Variants in ATM observed in about 807,000 individuals in gnomAD.
ATM encodes ATM serine/threonine kinase, also known as serine-protein kinase ATM.
ATM carries 308 observed loss-of-function variants against 387.0 expected under a neutral mutation model. That is an observed-to-expected ratio of 0.80 (90% CI 0.73 to 0.87). The LOEUF is 0.87. Among genes scored for constraint, ATM ranks in the 40% least tolerant of loss-of-function variants. The pLI, the probability that ATM is intolerant of heterozygous loss-of-function variation, is 0.00. For synonymous variants in ATM, 1,156 were observed against 1,187.3 expected, an observed-to-expected ratio of 0.97 and a Z score of 0.54; for missense variants, 3,312 against 3,560.9, an observed-to-expected ratio of 0.93 and a Z score of 1.78.
chr11:108,275,213 G>A (rs977374136), intron 22 of ATM, among the ~76,000 whole-genome samples: 2 of 151,924 alleles, frequency 1.3e-5, no homozygotes, highest in Non-Finnish European at 2.9e-5. Flanking sequence ...TATTTGCTTG[G>A]TAAATATTCC....
chr11:108,295,548 G>A (rs1209747390), intron 32 of ATM: 1 of 159,880 alleles, frequency 6.3e-6, no homozygotes, highest in African/African-American at 2.4e-5. Flanking sequence ...TGTTGCCTAG[G>A]TTGGTCTCGA....
At chr11:108,223,321 C>G (rs1423211985) in intron 1 of ATM, 135 bp downstream of exon 1, 1 of 153,158 alleles carries the variant, frequency 6.5e-6, no homozygotes. Flanking sequence ...TCTCCTCACT[C>G]CATCTTTCCT....
intron 39 of ATM, among the ~76,000 whole-genome samples, chr11:108,310,622 T>A (rs1240817588): frequency 1.3e-5 from 2 of 152,136 alleles, no homozygotes; most frequent in Non-Finnish European, 2.9e-5. Context: ...GAACTTAATT[T>A]AAGGGTGATA....
At chr11:108,327,786 T>G (rs780532555) in intron 48 of ATM, 28 bp downstream of exon 48, 1 of 1,494,198 alleles carries the variant, frequency 6.7e-7, no homozygotes. Flanking sequence ...ACCCTTAAGA[T>G]AGTTACTTAG....
chr11:108,309,814 T>C (rs2083992227), intron 38 of ATM, among the ~76,000 whole-genome samples: 1 of 152,150 alleles, frequency 6.6e-6, no homozygotes, highest in Non-Finnish European at 1.5e-5. Flanking sequence ...CTTGTGTGCA[T>C]TTGTATTAGC....
intron 56 of ATM, among the ~76,000 whole-genome samples, chr11:108,342,677 G>A (rs894542077): frequency 9.2e-5 from 14 of 152,054 alleles, no homozygotes; most frequent in South Asian, 2.1e-4. Flanking sequence ...TATACTTTAT[G>A]TATGTTTATA....
At position 108,347,323 on chromosome 11, in the gene ATM, T is replaced by C. The variant is rs730881279; in HGVS notation, c.8629T>C (p.Leu2877=). 22 of 1,611,658 alleles carry C rather than the reference T, an allele frequency of 1.4e-5. No homozygotes were observed. In the Admixed American group the frequency reaches 2.2e-4, roughly 16 times the overall value. ...GLGDRHVQNI[L]INEQSAELVH... ...TGGTGATAGACATGTACAGAATATC[T>C]TGATAAATGAGCAGTCAGCAGAACT... The change falls in exon 59 of 63, where the codon TTG becomes CTG. Residue 2877 remains leucine (L), a synonymous_variant. Coordinates refer to ENST00000675843, the MANE Select transcript of ATM (RefSeq NM_000051.4).
rs1207381065 is a variant in ATM at position 108,299,347 on chromosome 11, G to GAGTGC, written c.5006-362_5006-358dup. On this transcript the variant is annotated intron_variant, in intron 33 of 62. Coordinates refer to ENST00000675843, the MANE Select transcript of ATM (RefSeq NM_000051.4). The stretch of plus-strand genomic sequence containing the variant: ...TTTTTTTCTTTTGTCACCCAGGCTA[G>GAGTGC]AGTGCAGTGGTGCCATCTTGGCTCA... 1.5e-5 allele frequency: 3 copies of GAGTGC among 194,720 alleles called. No individual in the cohort carries two copies. In the Admixed American group the frequency reaches 1.6e-4, roughly 11 times the overall value. The allele number at this position is 194,720 out of a possible 1,614,324, so 12.1% of individuals were successfully genotyped here.
Position 108,368,142 on chromosome 11 carries a change from A to T in ATM, c.*2634A>T, listed in dbSNP as rs1368813513. The T allele has an allele frequency of 1.9e-5, 4 of 208,298 alleles. No individual in the cohort carries two copies. In the East Asian group the frequency reaches 2.9e-4, roughly 15 times the overall value. 12.9% of individuals were successfully genotyped at this position (208,298 alleles called of 1,614,324 possible). The stretch of plus-strand genomic sequence containing the variant: ...ATCAATGGCTTTGAAAAGTTTATCA[A>T]ATTTACATACAGATCACAAGCCTAG... On this transcript the variant is annotated 3_prime_UTR_variant, in exon 63 of 63. Transcript: ENST00000675843.
Position 108,333,976 on chromosome 11 carries a change from G to C in ATM, c.8010+8G>C, listed in dbSNP as rs2136618371. 6.3e-7 allele frequency: 1 copy of C among 1,585,498 alleles called. No homozygotes were observed. On this transcript the variant is annotated splice_region_variant and intron_variant, in intron 54 of 62. Transcript: ENST00000675843. ...CCTACTATGGAAATTAAGGTAATTT[G>C]CAATTAACTCTTGATTTTTTTTAAA... is the stretch of plus-strand genomic sequence containing the variant.
At position 108,272,718 on chromosome 11, in the gene ATM, G is replaced by T. The variant is rs199543313; in HGVS notation, c.3154-4G>T. 6.8e-6 allele frequency: 11 copies of T among 1,613,526 alleles called. No homozygotes were observed. Among genetic ancestry groups the T allele is most frequent in the African/African-American group, 1.3e-5 (1 of 74,820 alleles). On this transcript the variant is annotated splice_region_variant and splice_polypyrimidine_tract_variant and intron_variant, in intron 21 of 62. Coordinates refer to ENST00000675843, the MANE Select transcript of ATM (RefSeq NM_000051.4). The stretch of plus-strand genomic sequence containing the variant: ...CATATTTAACCACAGTTCTTTTCCC[G>T]TAGGCTGATCCTTATTCAAAATGGG...
chr11:108,245,258 A>G (rs2079787378), intron 7 of ATM, among the ~76,000 whole-genome samples: 1 of 152,190 alleles, frequency 6.6e-6, no homozygotes. Context: ...ATTATGGGAA[A>G]TACAAAAAAA....
chr11:108,333,101 C>T (rs1444914678), intron 53 of ATM, among the ~76,000 whole-genome samples: 2 of 152,116 alleles, frequency 1.3e-5, no homozygotes, highest in Non-Finnish European at 2.9e-5. Flanking sequence ...TAGGTGACTA[C>T]ACTAAATTAA....
At position 108,368,636 on chromosome 11, in the gene ATM, A is replaced by G. The variant is rs1425859390; in HGVS notation, c.*3128A>G. The G allele has an allele frequency of 9.2e-6, 2 of 217,764 alleles. No individual in the cohort carries two copies. Among genetic ancestry groups the G allele is most frequent in the African/African-American group, 4.5e-5 (2 of 44,540 alleles). The allele number at this position is 217,764 out of a possible 1,614,324, so 13.5% of individuals were successfully genotyped here. ...CTGGGGTTTGCCAGTCAGTTGCTCA[A>G]AAGGTCAATGAAAACCAAATAGTGA... is the stretch of plus-strand genomic sequence containing the variant. On this transcript the variant is annotated 3_prime_UTR_variant, in exon 63 of 63. Coordinates refer to ENST00000675843, the MANE Select transcript of ATM (RefSeq NM_000051.4).
intron 18 of ATM, among the ~76,000 whole-genome samples, chr11:108,270,683 A>C (rs575279179): frequency 6.6e-6 from 1 of 152,002 alleles, no homozygotes; most frequent in Non-Finnish European, 1.5e-5. Context: ...GTATGAATTT[A>C]TGTTTATATA....
intron 5 of ATM, 65 bp from the exon 6 acceptor site, chr11:108,243,888 T>A: frequency 7.2e-7 from 1 of 1,384,998 alleles, no homozygotes; most frequent in Non-Finnish European, 9.8e-7. Flanking sequence ...TTAAGTTAAA[T>A]TGTAACATTT....
At chr11:108,298,561 TA>T (rs2135875664) in intron 33 of ATM, among the ~76,000 whole-genome samples, 1 of 152,306 alleles carries the variant, frequency 6.6e-6, no homozygotes, top group Admixed American at 6.5e-5. Context: ...ACAGAAGCCC[TA>T]AGTGGCTTTC....
rs2082560692 is a variant in ATM, at chr11:108,287,640, T to C, written c.4034T>C (p.Val1345Ala). ...LFISNLPEIV[V>A]ELLMTLHEPA... ...ATTAGTAATTTACCAGAGATTGTGG[T>C]GGAGTTATTGATGACGTTACATGAG... The change falls in exon 27 of 63, where the codon GTG becomes GCG. Residue 1345 changes from valine (V) to alanine (A), a missense_variant. Physicochemically the swap from Val to Ala is moderately conservative, Grantham distance 64. Transcript: ENST00000675843. 6.2e-7 allele frequency: 1 copy of C among 1,613,554 alleles called. No homozygotes were observed. Among genetic ancestry groups the C allele is most frequent in the African/African-American group, 1.3e-5 (1 of 74,904 alleles).
At chr11:108,271,564 TGAA>T (rs1693874808) in intron 20 of ATM, among the ~76,000 whole-genome samples, 158 bp downstream of exon 20, 1 of 152,264 alleles carries the variant, frequency 6.6e-6, no homozygotes, top group African/African-American at 2.4e-5. Flanking sequence ...CTCAGTCGCT[TGAA>T]GAACTACATT....
Sources: gnomAD v4.1 joint callset for allele counts (sites outside exome capture counted in the v4.1 genomes callset) on GRCh38, gnomAD v4.1.1 for gene constraint, MANE v1.5 for transcripts, NCBI Gene and HGNC (gene_info 2026-07-23, HGNC 2026-07-21) for gene names.